The following EPS15 variants were observed in gnomAD, a reference collection of about 807,000 sequenced individuals.
EPS15 encodes the protein epidermal growth factor receptor substrate 15.
EPS15 carries 72 observed loss-of-function variants against 113.8 expected under a neutral mutation model. The observed-to-expected ratio is 0.63, with a 90% CI of 0.52 to 0.77. The LOEUF (loss-of-function observed/expected upper bound fraction) is 0.77, where lower values mean the gene tolerates loss of function less well. Ranked by LOEUF, EPS15 falls within the 30% of genes least tolerant of loss-of-function variation. The pLI is 0.00. For synonymous variants in EPS15, 344 were observed against 363.4 expected (o/e 0.95, Z 0.61); for missense variants, 1,048 against 1,045.8 (o/e 1.00, Z -0.03).
intron 2 of EPS15, among the ~76,000 whole-genome samples, chr1:51,474,951 G>A (rs562769965): frequency 1.3e-5 from 2 of 151,560 alleles, no homozygotes; most frequent in African/African-American, 4.8e-5. Context: ...TTGTCCTTGC[G>A]ATAGTTTGCT....
intron 1 of EPS15, among the ~76,000 whole-genome samples, chr1:51,518,836 C>G (rs1412406374): frequency 2.6e-5 from 4 of 151,790 alleles, no homozygotes; most frequent in Non-Finnish European, 5.9e-5. Flanking sequence ...ATGCGTGCGG[C>G]CCTGTGGGAG....
chr1:51,371,322 G>GT (rs1307646813), intron 21 of EPS15, among the ~76,000 whole-genome samples: 4 of 152,130 alleles, frequency 2.6e-5, no homozygotes, highest in African/African-American at 7.2e-5. Flanking sequence ...CATTGTTATC[G>GT]TAAGAGATGA....
At chr1:51,498,285 C>T (rs1192870232) in intron 1 of EPS15, among the ~76,000 whole-genome samples, 6 of 152,146 alleles carry the variant, frequency 3.9e-5, no homozygotes, top group Admixed American at 2.6e-4. Context: ...ATCTTAGGTA[C>T]GGTGCTCAGT....
intron 1 of EPS15, among the ~76,000 whole-genome samples, chr1:51,499,590 G>A (rs1232116145): frequency 6.6e-6 from 1 of 152,038 alleles, no homozygotes; most frequent in Non-Finnish European, 1.5e-5. Flanking sequence ...ATGCACAAGG[G>A]TTCCAGTATC....
chr1:51,448,799 A>C (rs1202549964), intron 8 of EPS15, among the ~76,000 whole-genome samples: 1 of 152,162 alleles, frequency 6.6e-6, no homozygotes, highest in East Asian at 1.9e-4. Flanking sequence ...TAGTAGCATC[A>C]AAAAAATAAA....
At chr1:51,396,363 G>T (rs188817233) in intron 20 of EPS15, among the ~76,000 whole-genome samples, 103 of 152,046 alleles carry the variant, frequency 6.8e-4, no homozygotes, top group Middle Eastern at 6.8e-3. Context: ...TTTTTTTTCA[G>T]ATTTTGGAAT....
At chr1:51,486,650 C>T (rs1302771194) in intron 1 of EPS15, among the ~76,000 whole-genome samples, 1 of 151,946 alleles carries the variant, frequency 6.6e-6, no homozygotes, top group Non-Finnish European at 1.5e-5. Flanking sequence ...TGTGAAAATA[C>T]TGAGACTGAT....
intron 12 of EPS15, among the ~76,000 whole-genome samples, chr1:51,434,303 T>C (rs1651963995): frequency 6.6e-6 from 1 of 152,158 alleles, no homozygotes; most frequent in African/African-American, 2.4e-5. Context: ...CAAATGTCCA[T>C]CAATAGATGA....
intron 21 of EPS15, chr1:51,372,590 C>G: frequency 1.9e-6 from 1 of 519,994 alleles, no homozygotes; most frequent in Admixed American, 2.0e-5. Context: ...CATCAATGAA[C>G]TCAAGAAAAG....
intron 20 of EPS15, among the ~76,000 whole-genome samples, chr1:51,398,657 TTTTA>T (rs1240733914): frequency 6.6e-6 from 1 of 152,222 alleles, no homozygotes; most frequent in Non-Finnish European, 1.5e-5. Flanking sequence ...ACATAAACGA[TTTTA>T]TTTTTCTAAA....
intron 8 of EPS15, among the ~76,000 whole-genome samples, chr1:51,450,288 C>T (rs1427715565): frequency 1.3e-5 from 2 of 151,692 alleles, no homozygotes; most frequent in African/African-American, 4.9e-5. Flanking sequence ...TAAATAAATA[C>T]CTAAGGCTGG....
At chr1:51,365,885 G>T in intron 22 of EPS15, 68 bp downstream of exon 22, 1 of 1,067,710 alleles carries the variant, frequency 9.4e-7, no homozygotes, top group Non-Finnish European at 1.4e-6. Flanking sequence ...CTATATAATT[G>T]AAAGGAGGAT....
chr1:51,467,487 T>TA (rs1654927036), intron 5 of EPS15, among the ~76,000 whole-genome samples: 2 of 152,090 alleles, frequency 1.3e-5, no homozygotes, highest in African/African-American at 4.8e-5. Context: ...TACACAGCTA[T>TA]AAAAAACAAA....
intron 1 of EPS15, among the ~76,000 whole-genome samples, chr1:51,495,357 T>TA (rs1483561537): frequency 2.6e-5 from 4 of 151,790 alleles, no homozygotes; most frequent in Non-Finnish European, 5.9e-5. Context: ...ATTTTTATTT[T>TA]TTTTTTTGCT....
At chr1:51,480,577 C>T (rs938172705) in intron 2 of EPS15, among the ~76,000 whole-genome samples, 1 of 152,172 alleles carries the variant, frequency 6.6e-6, no homozygotes, top group African/African-American at 2.4e-5. Context: ...TGCAATGGCA[C>T]GATCTTGGCT....
At chr1:51,408,782 C>G (rs1448632249) in intron 14 of EPS15, among the ~76,000 whole-genome samples, 1 of 149,896 alleles carries the variant, frequency 6.7e-6, no homozygotes, top group Non-Finnish European at 1.5e-5. Flanking sequence ...TGTGGGCCAC[C>G]ACGCCTGGCT....
chr1:51,451,671 A>G (rs1653581110), intron 8 of EPS15, among the ~76,000 whole-genome samples: 1 of 150,634 alleles, frequency 6.6e-6, no homozygotes. Context: ...CATGACAAGT[A>G]TTTTTAATAC....
At chr1:51,376,152 T>A (rs1355867488) in intron 21 of EPS15, among the ~76,000 whole-genome samples, 2 of 152,180 alleles carry the variant, frequency 1.3e-5, no homozygotes, top group East Asian at 3.8e-4. Context: ...ACAGGTTGAG[T>A]CTCCTATGGG....
Position 51,519,266 on chromosome 1 carries a change from C to T in EPS15, c.-35G>A. 1 of 984,092 alleles carries T rather than the reference C, an allele frequency of 1.0e-6. No homozygotes were observed. The highest frequency in any genetic ancestry group is 1.2e-6 in the Non-Finnish European group (1 of 800,672). The allele number at this position is 984,092 out of a possible 1,614,324, so 61.0% of individuals were successfully genotyped here. A position where few individuals can be genotyped will look rare whatever the true frequency, so the allele number is the denominator to read the frequency against. On this transcript the variant is annotated 5_prime_UTR_variant, in exon 1 of 25. Transcript: ENST00000371733. ...ATCATGCAAGGGAGGGGAAGGAAGA[C>T]GGGCTGACTGGGGCTCGGGGCGGGG...
Sources: allele counts gnomAD v4.1 joint callset (sites outside exome capture counted in the v4.1 genomes callset), GRCh38; gene constraint gnomAD v4.1.1; transcripts MANE v1.5; gene names NCBI Gene and HGNC (gene_info 2026-07-23, HGNC 2026-07-21).